Variants in CORO6 observed in about 807,000 individuals in gnomAD.
CORO6 encodes coronin 6.
In CORO6, 43 loss-of-function variants were observed where a neutral mutation model predicts 49.0. The ratio of observed to expected loss-of-function variants is 0.88; its 90% CI spans 0.69 to 1.13. The LOEUF is 1.13. Among genes scored for constraint, CORO6 ranks in the 50% most tolerant of loss-of-function variants. The probability of loss-of-function intolerance (pLI) is 0.00; values close to 1 mark genes in which losing one functional copy is unlikely to be tolerated. For synonymous variants in CORO6, 233 were observed against 256.5 expected, an observed-to-expected ratio of 0.91 and a Z score of 0.88; for missense variants, 650 against 647.0, an observed-to-expected ratio of 1.00 and a Z score of -0.05.
Position 29,619,323 on chromosome 17 carries a change from G to A in CORO6, c.322-134C>T, listed in dbSNP as rs545475422. 1.1e-4 allele frequency: 123 copies of A among 1,119,478 alleles called. No homozygotes were observed. In the African/African-American group the frequency reaches 1.9e-3, roughly 17 times the overall value. The allele number at this position is 1,119,478 out of a possible 1,614,324, so 69.3% of individuals were successfully genotyped here. A position where few individuals can be genotyped will look rare whatever the true frequency, so the allele number is the denominator to read the frequency against. Reference sequence around the variant, plus strand: ...GTCAAATACAGGGCAAGATGTGGTGGTGCATGCCTAGAACAGAAGCAGCTG... The same window carrying A: ...GTCAAATACAGGGCAAGATGTGGTGATGCATGCCTAGAACAGAAGCAGCTG... On this transcript the variant is annotated intron_variant, in intron 3 of 10. Coordinates refer to ENST00000388767, the MANE Select transcript of CORO6 (RefSeq NM_032854.4).
chr17:29,619,840 T>C, intron 2 of CORO6, 67 bp from the exon 3 acceptor site: 4 of 1,419,962 alleles, frequency 2.8e-6, no homozygotes, highest in South Asian at 2.4e-5. Flanking sequence ...GGGTAGCAGA[T>C]CTGCTTACAT....
Position 29,621,506 on chromosome 17 carries a change from G to A in CORO6, c.-63-22C>T. The A allele has an allele frequency of 1.3e-6, 2 of 1,537,044 alleles. No individual in the cohort carries two copies. Among genetic ancestry groups the A allele is most frequent in the Non-Finnish European group, 1.8e-6 (2 of 1,137,268 alleles). On this transcript the variant is annotated intron_variant, in intron 1 of 10. Coordinates refer to ENST00000388767, the MANE Select transcript of CORO6 (RefSeq NM_032854.4). This position sits in a 1 kb window ranked among gnomAD's most constrained non-coding sequence, Gnocchi z 4.2. Reference sequence around the variant, plus strand: ...TGAGCTGCGGGAGGGAGGAGGAGTGGAGGGGTGGCTGATGAGAAGGGTTAT... The same window carrying A: ...TGAGCTGCGGGAGGGAGGAGGAGTGAAGGGGTGGCTGATGAGAAGGGTTAT...
At chr17:29,620,960 G>A (rs747079202) in intron 2 of CORO6, among the ~76,000 whole-genome samples, 8 of 152,134 alleles carry the variant, frequency 5.3e-5, no homozygotes, top group Non-Finnish European at 7.4e-5. Flanking sequence ...TCCATCACCC[G>A]GCTCCCCTCC....
rs1195507259 is a variant in CORO6 at position 29,616,599 on chromosome 17, C to T, written c.1004+103G>A. ...AGAGCTGTCTTATCCCCCCGCCCCG[C>T]TTTTCCAAAGCACTGCATTACTGGG... On this transcript the variant is annotated intron_variant, in intron 8 of 10. Coordinates refer to ENST00000388767, the MANE Select transcript of CORO6 (RefSeq NM_032854.4). This position sits in a 1 kb window ranked among gnomAD's most constrained non-coding sequence, Gnocchi z 5.6. The T allele has an allele frequency of 1.8e-5, 26 of 1,482,168 alleles. No homozygotes were observed. The highest frequency in any genetic ancestry group is 2.4e-5 in the Non-Finnish European group (26 of 1,086,378). The allele number at this position is 1,482,168 out of a possible 1,614,324, so 91.8% of individuals were successfully genotyped here. A position where few individuals can be genotyped will look rare whatever the true frequency, so the allele number is the denominator to read the frequency against.
Position 29,615,560 on chromosome 17 carries a change from T to G in CORO6, c.*172A>C. ...CAGTCCAGCCTCCGCTGGAGCGACG[T>G]GGGTCTCCCCTAAGCTCCAAGAGTT... On this transcript the variant is annotated 3_prime_UTR_variant, in exon 11 of 11. Transcript: ENST00000388767. The G allele has an allele frequency of 1.5e-6, 1 of 661,322 alleles. No homozygotes were observed. The highest frequency in any genetic ancestry group is 2.4e-6 in the Non-Finnish European group (1 of 419,548). The allele number at this position is 661,322 out of a possible 1,614,324, so 41.0% of individuals were successfully genotyped here.
In CORO6 at chr17:29,621,114, C is replaced by T. The variant is rs12162129; in HGVS notation, c.198+110G>A. The T allele has an allele frequency of 1.4e-6, 2 of 1,391,822 alleles. No homozygotes were observed. The highest frequency in any genetic ancestry group is 4.9e-5 in the East Asian group (2 of 40,912). 86.2% of individuals were successfully genotyped at this position (1,391,822 alleles called of 1,614,324 possible). ...GGGAATAGGGAGGAGCCAATCCACACAGATGCTTCTCCTGACTATGGAATG... is the reference window on the plus strand; with the variant it reads ...GGGAATAGGGAGGAGCCAATCCACATAGATGCTTCTCCTGACTATGGAATG... On this transcript the variant is annotated intron_variant, in intron 2 of 10. Coordinates refer to ENST00000388767, the MANE Select transcript of CORO6 (RefSeq NM_032854.4). The surrounding 1 kb of genome is among the most constrained non-coding windows in gnomAD (Gnocchi z 4.2).
At chr17:29,619,881 C>T in intron 2 of CORO6, 108 bp from the exon 3 acceptor site, 1 of 1,014,992 alleles carries the variant, frequency 9.9e-7, no homozygotes, top group Admixed American at 1.9e-5. Context: ...TTTCTCTTTG[C>T]AGATCCCTCT....
At chr17:29,618,428 G>T in intron 5 of CORO6, 1 of 1,282,472 alleles carries the variant, frequency 7.8e-7, no homozygotes, top group African/African-American at 1.5e-5. Flanking sequence ...GACCCTGGAA[G>T]ATGCGTCTGG....
intron 6 of CORO6, chr17:29,617,257 T>A (rs944493914): frequency 1.3e-6 from 2 of 1,535,294 alleles, no homozygotes; most frequent in Non-Finnish European, 8.7e-7. Flanking sequence ...GCGCGCCGCA[T>A]GCAGTCACAG....
At position 29,617,535 on chromosome 17, in the gene CORO6, G is replaced by T; in HGVS notation, c.718C>A (p.Arg240Ser). ...AGGCCCAGCTCTCGCTGGCTCATGC[G>T]GGTGAAGCCCGTGGTGAAGATATGG... The part of the protein sequence containing the change: ...QGHIFTTGFT[R>S]MSQRELGLWD... The change falls in exon 6 of 11, where the codon CGC becomes AGC. Residue 240 changes from arginine to serine, a missense_variant. By Grantham distance (110) the Arg-to-Ser change is moderately radical. Coordinates refer to ENST00000388767, the MANE Select transcript of CORO6 (RefSeq NM_032854.4). The T allele has an allele frequency of 1.2e-6, 2 of 1,611,170 alleles. No individual in the cohort carries two copies. Among genetic ancestry groups the T allele is most frequent in the Non-Finnish European group, 8.5e-7 (1 of 1,179,720 alleles).
In CORO6 at chr17:29,617,615, C is replaced by G; in HGVS notation, c.638G>C (p.Arg213Thr). The part of the protein sequence containing the change: ...DPRKGQVVAE[R>T]FAAHEGMRPM... ...CCTCATCCCCTCGTGGGCCGCAAAC[C>G]TCTCCTGGGGGGAGGGGGAGACAGG... The change falls in exon 6 of 11, where the codon AGG becomes ACG. Residue 213 changes from arginine to threonine, a missense_variant. Transcript: ENST00000388767. 6.3e-7 allele frequency: 1 copy of G among 1,595,310 alleles called. No homozygotes were observed. Among genetic ancestry groups the G allele is most frequent in the Non-Finnish European group, 8.5e-7 (1 of 1,172,772 alleles).
intron 2 of CORO6, among the ~76,000 whole-genome samples, chr17:29,620,083 T>C (rs2035232075): frequency 6.6e-6 from 1 of 152,236 alleles, no homozygotes; most frequent in South Asian, 2.1e-4. Context: ...TGGAGGAGGC[T>C]GTTCTTCAGC....
intron 5 of CORO6, chr17:29,618,186 G>T (rs1252783539): frequency 1.8e-5 from 24 of 1,347,088 alleles, no homozygotes; most frequent in Non-Finnish European, 2.1e-5. Context: ...CGGGTTAGTG[G>T]GTTAGAGCGC....
intron 2 of CORO6, 37 bp from the exon 3 acceptor site, chr17:29,619,810 C>T: frequency 6.3e-7 from 1 of 1,589,792 alleles, no homozygotes; most frequent in South Asian, 1.1e-5. Flanking sequence ...GGCTACTCTC[C>T]TGTGTGTTTT....
Position 29,616,839 on chromosome 17 carries a change from G to C in CORO6, c.867C>G (p.Ser289Arg), listed in dbSNP as rs755981438. 6.2e-7 allele frequency: 1 copy of C among 1,613,196 alleles called. No individual in the cohort carries two copies. Among genetic ancestry groups the C allele is most frequent in the South Asian group, 1.1e-5 (1 of 91,084 alleles). The change falls in exon 8 of 11, where the codon AGC becomes AGG. Residue 289 changes from serine to arginine, a missense_variant. By Grantham distance (110) the Ser-to-Arg change is moderately radical. Transcript: ENST00000388767. The surrounding 1 kb of genome is among the most constrained non-coding windows in gnomAD (Gnocchi z 5.6). ...CGGTAATCTCAAAGTACCGAATGCT[G>C]CTGTCGCCCTGCAAAATCAGTCGGT... Reference protein sequence around the residue: ...SIVYLCGKGDSSIRYFEITDE... With the variant: ...SIVYLCGKGDRSIRYFEITDE...
Position 29,617,596 on chromosome 17 carries a change from C to A in CORO6, c.657G>T (p.Gly219=), listed in dbSNP as rs923862067. 1.2e-6 allele frequency: 2 copies of A among 1,602,464 alleles called. No homozygotes were observed. The highest frequency in any genetic ancestry group is 1.7e-6 in the Non-Finnish European group (2 of 1,176,084). Residue 219 remains glycine (G), a synonymous_variant, in exon 6 of 11, where the codon GGG becomes GGT. Coordinates refer to ENST00000388767, the MANE Select transcript of CORO6 (RefSeq NM_032854.4). ...VVAERFAAHE[G]MRPMRAVFTR... is the part of the protein sequence containing the mutation. ...TGAAGACGGCCCGCATGGGCCTCAT[C>A]CCCTCGTGGGCCGCAAACCTCTCCT...
chr17:29,618,050 G>A, intron 5 of CORO6: 4 of 1,498,802 alleles, frequency 2.7e-6, no homozygotes, highest in Non-Finnish European at 3.5e-6. Flanking sequence ...TGGCCTACCG[G>A]GTCCCAGAGC....
In CORO6 at chr17:29,621,388, G is replaced by A. The variant is rs374276508; in HGVS notation, c.34C>T (p.Arg12Cys). 10 of 1,613,440 alleles carry A rather than the reference G, an allele frequency of 6.2e-6. No homozygotes were observed. Among genetic ancestry groups the A allele is most frequent in the Non-Finnish European group, 8.5e-6 (10 of 1,179,728 alleles). ...SRRVVRQSKFRHVFGQAAKAD... is the reference protein window; with the variant it reads ...SRRVVRQSKFCHVFGQAAKAD... ...TTTGCTGCCTGCCCAAACACATGGC[G>A]GAACTTGCTTTGCCGAACCACACGT... The change falls in exon 2 of 11, where the codon CGC becomes TGC. Residue 12 changes from arginine to cysteine, a missense_variant. Physicochemically the swap from Arg to Cys is radical, Grantham distance 180. Coordinates refer to ENST00000388767, the MANE Select transcript of CORO6 (RefSeq NM_032854.4). This position sits in a 1 kb window ranked among gnomAD's most constrained non-coding sequence, Gnocchi z 4.2.
At chr17:29,617,113 C>T in intron 6 of CORO6, 71 bp from the exon 7 acceptor site, 1 of 1,590,894 alleles carries the variant, frequency 6.3e-7, no homozygotes, top group Admixed American at 1.7e-5. Flanking sequence ...CCCAGAAGCC[C>T]CTTTACGCTT....
Sources: allele counts gnomAD v4.1 joint callset (sites outside exome capture counted in the v4.1 genomes callset), GRCh38; gene constraint gnomAD v4.1.1; non-coding constraint Gnocchi (gnomAD v3.1); transcripts MANE v1.5; gene names NCBI Gene and HGNC (gene_info 2026-07-23, HGNC 2026-07-21).